Variants in FBXL7 observed in about 807,000 individuals in gnomAD.
FBXL7 encodes the protein F-box/LRR-repeat protein 7.
In FBXL7, 12 loss-of-function variants were observed where a neutral mutation model predicts 38.3. That is an observed-to-expected ratio of 0.31 (90% CI 0.20 to 0.51). The LOEUF (loss-of-function observed/expected upper bound fraction) is 0.51. FBXL7 is among the 20% of genes least tolerant of loss of function. FBXL7 has a pLI of 0.98. For synonymous variants in FBXL7, 297 were observed against 300.9 expected, an observed-to-expected ratio of 0.99 and a Z score of 0.13; for missense variants, 567 against 676.4, an observed-to-expected ratio of 0.84 and a Z score of 1.79.
In FBXL7 at chr5:15,733,529, C is replaced by T. The variant is rs575091821; in HGVS notation, c.127+117457C>T. 3.3e-5 allele frequency among the ~76,000 whole-genome samples: 5 copies of T among 152,268 alleles called. No homozygotes were observed. The South Asian group carries it at 1.0e-3, about 32-fold the overall frequency. The stretch of plus-strand genomic sequence containing the variant: ...CATTTAGTATGCCATGAATGGAACA[C>T]TGTACTGGGAAGAGTTAATGCAACA... On this transcript the variant is annotated intron_variant, in intron 2 of 3. Transcript: ENST00000504595.
At chr5:15,668,767 G>A (rs1742366269) in intron 2 of FBXL7, among the ~76,000 whole-genome samples, 1 of 152,146 alleles carries the variant, frequency 6.6e-6, no homozygotes, top group Non-Finnish European at 1.5e-5. Flanking sequence ...TTTCTGCTAG[G>A]TGCAGCAGAA....
intron 2 of FBXL7, among the ~76,000 whole-genome samples, chr5:15,733,195 T>G (rs4461631): frequency 0.74 from 112,984 of 151,934 alleles, 42,240 homozygotes; most frequent in East Asian, 0.88. Context: ...TCGGGTTCAA[T>G]CAATTATCTG....
At position 15,585,903 on chromosome 5, in the gene FBXL7, G is replaced by A. The variant is rs1477977020; in HGVS notation, c.38-30080G>A. On this transcript the variant is annotated intron_variant, in intron 1 of 3. Transcript: ENST00000504595. ...TTTTAATTGTTAAATGCCAGTGAAT[G>A]GCTATTCCTGGAGGAAGCTTCCCTT... 2.0e-5 allele frequency among the ~76,000 whole-genome samples: 3 copies of A among 152,310 alleles called. No individual in the cohort carries two copies. The East Asian group carries it at 5.8e-4, about 29-fold the overall frequency.
rs139399751 is a variant in FBXL7, at chr5:15,698,741, T to G, written c.127+82669T>G. On this transcript the variant is annotated intron_variant, in intron 2 of 3. Transcript: ENST00000504595. ...TGAGTCCAGTTGCTTAAAAAAGAATTTGGACTGTAAGTATAGAACAATTTT... is the reference window on the plus strand; with the variant it reads ...TGAGTCCAGTTGCTTAAAAAAGAATGTGGACTGTAAGTATAGAACAATTTT... Among the ~76,000 whole-genome samples, 93 of 152,306 alleles carry G rather than the reference T, an allele frequency of 6.1e-4. 1 individual carries two copies. Among genetic ancestry groups the G allele is most frequent in the African/African-American group, 2.1e-3 (88 of 41,568 alleles).
At chr5:15,718,242 T>C (rs1167436408) in intron 2 of FBXL7, among the ~76,000 whole-genome samples, 1 of 152,192 alleles carries the variant, frequency 6.6e-6, no homozygotes, top group Non-Finnish European at 1.5e-5. Flanking sequence ...AATCTTGATA[T>C]ATAGATGTTT....
intron 2 of FBXL7, among the ~76,000 whole-genome samples, chr5:15,634,722 A>G (rs1432498159): frequency 6.6e-6 from 1 of 152,190 alleles, no homozygotes; most frequent in Non-Finnish European, 1.5e-5. Flanking sequence ...AGAAGTCTGA[A>G]GCGAGTCTTA....
At chr5:15,631,462 G>A (rs1287787923) in intron 2 of FBXL7, among the ~76,000 whole-genome samples, 1 of 151,990 alleles carries the variant, frequency 6.6e-6, no homozygotes, top group Admixed American at 6.6e-5. Context: ...TTGGGAAGCT[G>A]AGGCTGGTGG....
chr5:15,620,105 A>C (rs1262398067), intron 2 of FBXL7, among the ~76,000 whole-genome samples: 1 of 152,224 alleles, frequency 6.6e-6, no homozygotes, highest in Non-Finnish European at 1.5e-5. Context: ...TGATGATAGC[A>C]GCACAGCTCA....
chr5:15,936,468 G>C lies in FBXL7; in HGVS notation c.758G>C (p.Cys253Ser). ...TGTGCAGGATGCTCCAAAGTGACCT[G>C]CATCAGCTTGACCCGGGAGGCCTCC... ...LDVSGCSKVTCISLTREASIK... is the reference protein window; with the variant it reads ...LDVSGCSKVTSISLTREASIK... The change falls in exon 4 of 4, where the codon TGC becomes TCC. Residue 253 changes from cysteine (C) to serine (S), a missense_variant. Transcript: ENST00000504595. This position sits in a 1 kb window ranked among gnomAD's most constrained non-coding sequence, Gnocchi z 6.0. 6.2e-7 allele frequency: 1 copy of C among 1,612,986 alleles called. No homozygotes were observed. The highest frequency in any genetic ancestry group is 8.5e-7 in the Non-Finnish European group (1 of 1,179,858).
At position 15,548,205 on chromosome 5, in the gene FBXL7, G is replaced by A. The variant is rs78646440; in HGVS notation, c.37+47492G>A. Reference sequence around the variant, plus strand: ...GGAGTAATGAGATCAAAAGCCCTCCGTGGAGTTAATAGACCATAGCTTTGA... The same window carrying A: ...GGAGTAATGAGATCAAAAGCCCTCCATGGAGTTAATAGACCATAGCTTTGA... On this transcript the variant is annotated intron_variant, in intron 1 of 3. Coordinates refer to ENST00000504595, the MANE Select transcript of FBXL7 (RefSeq NM_012304.5). Among the ~76,000 whole-genome samples the A allele has an allele frequency of 7.1e-3, 1,076 of 152,252 alleles. 10 individuals carry two copies. Among genetic ancestry groups the A allele is most frequent in the East Asian group, 0.048 (251 of 5,176 alleles).
At chr5:15,886,453 T>C (rs1019122919) in intron 2 of FBXL7, among the ~76,000 whole-genome samples, 1 of 152,170 alleles carries the variant, frequency 6.6e-6, no homozygotes, top group Non-Finnish European at 1.5e-5. Context: ...AGGCCTAAAT[T>C]TGTCCTGACT....
intron 2 of FBXL7, among the ~76,000 whole-genome samples, chr5:15,893,801 C>T (rs1741007780): frequency 1.3e-5 from 2 of 152,172 alleles, no homozygotes; most frequent in Non-Finnish European, 1.5e-5. Flanking sequence ...TGAATTAAAT[C>T]ATTTCTCTCT....
At chr5:15,738,686 G>A (rs191486583) in intron 2 of FBXL7, among the ~76,000 whole-genome samples, 5 of 152,326 alleles carry the variant, frequency 3.3e-5, no homozygotes, top group Admixed American at 3.3e-4. Flanking sequence ...CCATCTTAGG[G>A]AGGAAGCTGA....
chr5:15,735,297 T>C (rs909169554), intron 2 of FBXL7, among the ~76,000 whole-genome samples: 3 of 152,180 alleles, frequency 2.0e-5, no homozygotes, highest in Non-Finnish European at 4.4e-5. Context: ...TCATGATTAA[T>C]AGACTAGGTA....
At chr5:15,504,681 T>G (rs149397567) in intron 1 of FBXL7, among the ~76,000 whole-genome samples, 194 of 152,314 alleles carry the variant, frequency 1.3e-3, no homozygotes, top group African/African-American at 4.3e-3. Context: ...AGGAATTTTT[T>G]TGTGTGTGTA....
chr5:15,712,623 AAG>A (rs1226451049), intron 2 of FBXL7, among the ~76,000 whole-genome samples: 1 of 152,138 alleles, frequency 6.6e-6, no homozygotes, highest in Admixed American at 6.5e-5. Context: ...CAAAATTTAG[AAG>A]AAAATTTCTA....
chr5:15,521,018 T>A (rs1332260224), intron 1 of FBXL7, among the ~76,000 whole-genome samples: 2 of 152,196 alleles, frequency 1.3e-5, no homozygotes, highest in Non-Finnish European at 2.9e-5. Flanking sequence ...AAATCCCGTA[T>A]GAGTTACAAC....
chr5:15,895,752 T>C (rs1741081977), intron 2 of FBXL7, among the ~76,000 whole-genome samples: 1 of 146,692 alleles, frequency 6.8e-6, no homozygotes, highest in Non-Finnish European at 1.5e-5. Flanking sequence ...CACGCCATTC[T>C]CCTGCCTCAG....
At chr5:15,825,856 T>G (rs140690108) in intron 2 of FBXL7, among the ~76,000 whole-genome samples, 1 of 152,302 alleles carries the variant, frequency 6.6e-6, no homozygotes, top group African/African-American at 2.4e-5. Context: ...TTGTCTTATT[T>G]TAGAGAGGAA....
Sources: allele counts gnomAD v4.1 joint callset (sites outside exome capture counted in the v4.1 genomes callset), GRCh38; gene constraint gnomAD v4.1.1; non-coding constraint Gnocchi (gnomAD v3.1); transcripts MANE v1.5; gene names NCBI Gene and HGNC (gene_info 2026-07-23, HGNC 2026-07-21).